Variants in PCDH7 observed in about 807,000 individuals in gnomAD.
PCDH7 encodes the protein protocadherin 7.
PCDH7 carries 17 observed loss-of-function variants against 58.9 expected under a neutral mutation model. That is an observed-to-expected ratio of 0.29 (90% CI 0.20 to 0.43). The LOEUF (loss-of-function observed/expected upper bound fraction) is 0.43. Among genes scored for constraint, PCDH7 ranks in the 20% least tolerant of loss-of-function variants. PCDH7 has a pLI of 1.00. For missense variants in PCDH7, 1,274 were observed against 1,441.0 expected (o/e 0.88, Z 1.88); for synonymous variants, 664 against 616.4 (o/e 1.08, Z -1.14).
chr4:30,826,441 G>A (rs185077689), intron 1 of PCDH7, among the ~76,000 whole-genome samples: 59 of 151,800 alleles, frequency 3.9e-4, no homozygotes, highest in Admixed American at 7.2e-4. Context: ...ATCCACCCTC[G>A]GTCCAACTGA....
intron 1 of PCDH7, among the ~76,000 whole-genome samples, chr4:30,894,212 G>C (rs991726563): frequency 2.0e-5 from 3 of 151,864 alleles, no homozygotes; most frequent in Non-Finnish European, 4.4e-5. Flanking sequence ...GGCAGGCTTT[G>C]AATTCTATTA....
chr4:31,019,108 G>A (rs983292625), intron 3 of PCDH7, among the ~76,000 whole-genome samples: 1 of 151,912 alleles, frequency 6.6e-6, no homozygotes, highest in Admixed American at 6.6e-5. Context: ...ATCCTAAGAA[G>A]GGAATTAGTA....
intron 3 of PCDH7, among the ~76,000 whole-genome samples, chr4:31,016,187 T>C (rs1393060291): frequency 1.3e-5 from 2 of 152,198 alleles, no homozygotes; most frequent in African/African-American, 4.8e-5. Context: ...AGGTTCTTTC[T>C]ACTTTTTCAT....
chr4:30,928,740 G>A (rs917756024), intron 2 of PCDH7, among the ~76,000 whole-genome samples: 1 of 152,094 alleles, frequency 6.6e-6, no homozygotes, highest in African/African-American at 2.4e-5. Flanking sequence ...GCCATGAAAT[G>A]TTCTTTGGCT....
rs553527961 is a variant in PCDH7, at chr4:31,012,524, A to G, written c.*7+62309A>G. Among the ~76,000 whole-genome samples, 12 of 150,664 alleles carry G rather than the reference A, an allele frequency of 8.0e-5. 2 individuals carry two copies. The East Asian group carries it at 2.6e-3, about 33-fold the overall frequency. ...GTACAAGGTACTCAATACATTTTGT[A>G]CCAATGAGGCATAAAAATCTACATT... On this transcript the variant is annotated intron_variant, in intron 3 of 3. Transcript: ENST00000509759.
chr4:30,870,855 C>A (rs1735486732), intron 1 of PCDH7, among the ~76,000 whole-genome samples: 1 of 152,102 alleles, frequency 6.6e-6, no homozygotes, highest in African/African-American at 2.4e-5. Flanking sequence ...TCTTAGAGGT[C>A]CACATCTAGT....
intron 1 of PCDH7, among the ~76,000 whole-genome samples, chr4:30,911,491 C>T (rs1741763699): frequency 6.6e-6 from 1 of 152,124 alleles, no homozygotes; most frequent in Admixed American, 6.6e-5. Flanking sequence ...AAAAGTTTGC[C>T]AGACCCTTGA....
In PCDH7 at chr4:31,001,544, C is replaced by T. The variant is rs1752366240; in HGVS notation, c.*7+51329C>T. The stretch of plus-strand genomic sequence containing the variant: ...TCTAATGTGTTTGATGACCATCATA[C>T]CCACACACACACGTACATACATTCA... On this transcript the variant is annotated intron_variant, in intron 3 of 3. Transcript: ENST00000509759. Among the ~76,000 whole-genome samples, 3 of 151,986 alleles carry T rather than the reference C, an allele frequency of 2.0e-5. No homozygotes were observed. The South Asian group carries it at 6.2e-4, about 31-fold the overall frequency.
At position 31,049,267 on chromosome 4, in the gene PCDH7, T is replaced by A. The variant is rs1756553273; in HGVS notation, c.*8-93206T>A. Among the ~76,000 whole-genome samples, 2 of 152,048 alleles carry A rather than the reference T, an allele frequency of 1.3e-5. 1 individual carries two copies. The highest frequency in any genetic ancestry group is 4.1e-4 in the South Asian group (2 of 4,820). ...ATGCGGTGTTTGGTTATATTGCTAC[T>A]TGAAAGGGGCTTCAAGGCAGGCAAG... On this transcript the variant is annotated intron_variant, in intron 3 of 3. Coordinates refer to the PCDH7 transcript ENST00000509759.
intron 1 of PCDH7, among the ~76,000 whole-genome samples, chr4:30,918,618 G>A (rs1190410566): frequency 3.9e-5 from 6 of 152,014 alleles, no homozygotes; most frequent in Non-Finnish European, 4.4e-5. Context: ...AAATACTGCA[G>A]TTCCAATTCA....
exon 2 of PCDH7, chr4:30,920,272 A>G: frequency 2.2e-6 from 3 of 1,367,640 alleles, no homozygotes; most frequent in South Asian, 1.1e-5. Flanking sequence ...GTAAGAGTTC[A>G]TCAGGGCCAA....
chr4:30,807,458 T>C (rs2109310791), intron 1 of PCDH7, among the ~76,000 whole-genome samples: 1 of 152,308 alleles, frequency 6.6e-6, no homozygotes, highest in East Asian at 1.9e-4. Context: ...GGCATGTTCA[T>C]GGATTACTGT....
At chr4:31,000,245 G>A (rs1253494912) in intron 3 of PCDH7, among the ~76,000 whole-genome samples, 6 of 151,980 alleles carry the variant, frequency 3.9e-5, no homozygotes, top group Non-Finnish European at 8.8e-5. Context: ...CAATTTTAAC[G>A]TTTAGAAAAT....
At chr4:30,972,160 TTTAA>T (rs1422247879) in intron 3 of PCDH7, among the ~76,000 whole-genome samples, 4 of 152,332 alleles carry the variant, frequency 2.6e-5, no homozygotes, top group East Asian at 1.9e-4. Context: ...TAATTCCCTC[TTTAA>T]TTGTCAGAAT....
chr4:30,871,250 A>G (rs1298232566), intron 1 of PCDH7, among the ~76,000 whole-genome samples: 3 of 152,040 alleles, frequency 2.0e-5, no homozygotes, highest in Non-Finnish European at 4.4e-5. Context: ...CCCAGAGTTT[A>G]CTTTTCTCTT....
chr4:30,765,515 G>A (rs1489090248), intron 1 of PCDH7, among the ~76,000 whole-genome samples: 1 of 152,114 alleles, frequency 6.6e-6, no homozygotes, highest in African/African-American at 2.4e-5. Context: ...GACTGATTTT[G>A]CACTTTCATG....
chr4:30,918,727 A>G (rs1051712670), intron 1 of PCDH7, among the ~76,000 whole-genome samples: 3 of 152,272 alleles, frequency 2.0e-5, no homozygotes, highest in Non-Finnish European at 2.9e-5. Flanking sequence ...TAAAAAGGAA[A>G]CTTTGTAAAG....
At chr4:31,099,194 G>T (rs755079301) in intron 3 of PCDH7, among the ~76,000 whole-genome samples, 1 of 152,138 alleles carries the variant, frequency 6.6e-6, no homozygotes, top group Non-Finnish European at 1.5e-5. Flanking sequence ...ACAGCTAAAA[G>T]GTGCAACTGG....
intron 1 of PCDH7, among the ~76,000 whole-genome samples, chr4:30,878,923 G>A (rs1156299507): frequency 6.6e-6 from 1 of 151,890 alleles, no homozygotes; most frequent in African/African-American, 2.4e-5. Context: ...TTTTCTTTTC[G>A]TTGTTGTTTG....
Sources: allele counts gnomAD v4.1 joint callset (sites outside exome capture counted in the v4.1 genomes callset), GRCh38; gene constraint gnomAD v4.1.1; transcripts MANE v1.5; gene names NCBI Gene and HGNC (gene_info 2026-07-23, HGNC 2026-07-21).